The following CCDC183 variants were observed in gnomAD, a reference collection of about 807,000 sequenced individuals.
CCDC183 encodes coiled-coil domain-containing protein 183.
CCDC183 carries 63 observed loss-of-function variants against 65.2 expected under a neutral mutation model. That is an observed-to-expected ratio of 0.97 (90% CI 0.79 to 1.19). The LOEUF (loss-of-function observed/expected upper bound fraction) is 1.19. Ranked by LOEUF, CCDC183 falls within the 50% of genes most tolerant of loss-of-function variation. The probability of loss-of-function intolerance (pLI) is 0.00; values close to 1 mark genes in which losing one functional copy is unlikely to be tolerated. For missense variants in CCDC183, 769 were observed against 689.3 expected, an observed-to-expected ratio of 1.12 and a Z score of -1.30; for synonymous variants, 323 against 276.5, an observed-to-expected ratio of 1.17 and a Z score of -1.67.
At position 136,799,114 on chromosome 9, in the gene CCDC183, CA is replaced by C. The variant is rs1847697395; in HGVS notation, c.84del (p.Leu29SerfsTer6). 5.0e-6 allele frequency: 8 copies of C among 1,613,186 alleles called. No homozygotes were observed. The highest frequency in any genetic ancestry group is 6.8e-6 in the Non-Finnish European group (8 of 1,179,820). ...CACCTGCCCACAGAGCAGTGTCGGG[CA>C]CTCCAGATCCAAGGGGTGAAAGAGA... ...TITQLQEQCR[A>X]LQIQGVKENM... On this transcript the variant is annotated frameshift_variant, in exon 2 of 14. Transcript: ENST00000338005. LOFTEE classifies it high-confidence loss of function.
chr9:136,797,593 C>T (rs1049894866), intron 1 of CCDC183, among the ~76,000 whole-genome samples: 1 of 152,030 alleles, frequency 6.6e-6, no homozygotes, highest in Non-Finnish European at 1.5e-5. Flanking sequence ...CACCCACCAC[C>T]ATGCCCGGCT....
Position 136,796,402 on chromosome 9 carries a change from G to A in CCDC183, c.5G>A (p.Arg2Lys). ...TTGGGGGGCCTGAGAGCAGCCATGA[G>A]GAGGCACAGTGAGACAGATGTGGAA... M[R>K]RHSETDVEEQ... The change falls in exon 1 of 14, where the codon AGG becomes AAG. Residue 2 changes from arginine (R) to lysine (K), a missense_variant. Coordinates refer to ENST00000338005, the MANE Select transcript of CCDC183 (RefSeq NM_001039374.5). 1.9e-6 allele frequency: 3 copies of A among 1,584,032 alleles called. No homozygotes were observed. Among genetic ancestry groups the A allele is most frequent in the Non-Finnish European group, 2.6e-6 (3 of 1,164,972 alleles).
At chr9:136,800,367 C>A in intron 4 of CCDC183, 22 bp from the exon 5 acceptor site, 2 of 1,593,746 alleles carry the variant, frequency 1.3e-6, no homozygotes, top group Non-Finnish European at 1.7e-6. Flanking sequence ...CGCCCTCTCA[C>A]TGCGCCCTCG....
chr9:136,799,490 G>C lies in CCDC183; in HGVS notation c.193-223G>C, dbSNP rs115824302. 4.4e-3 allele frequency: 3,068 copies of C among 691,548 alleles called. 76 individuals carry two copies. In the African/African-American group the frequency reaches 0.049, roughly 11 times the overall value. The allele number at this position is 691,548 out of a possible 1,614,324, so 42.8% of individuals were successfully genotyped here. ...GGGGCCCCCTCTGGCTCTCCGGCCA[G>C]CTAGGGGACACCCAGGCCCTCCTCT... On this transcript the variant is annotated intron_variant, in intron 2 of 13. Coordinates refer to ENST00000338005, the MANE Select transcript of CCDC183 (RefSeq NM_001039374.5).
chr9:136,800,597 C>T (rs531880795), intron 5 of CCDC183, 104 bp downstream of exon 5: 3 of 785,822 alleles, frequency 3.8e-6, no homozygotes, highest in African/African-American at 1.8e-5. Flanking sequence ...GGAGAGGGAG[C>T]TCTGCCTGAC....
chr9:136,806,047 C>T, intron 9 of CCDC183, 31 bp from the exon 10 acceptor site: 1 of 1,540,716 alleles, frequency 6.5e-7, no homozygotes, highest in Non-Finnish European at 8.8e-7. Flanking sequence ...TCCTGGCCCA[C>T]ACCTGCTTCT....
chr9:136,805,673 T>C (rs1045557793), intron 9 of CCDC183: 11 of 570,556 alleles, frequency 1.9e-5, no homozygotes, highest in Middle Eastern at 4.6e-4. Flanking sequence ...TTATTATTAT[T>C]AGGCCTTGAG....
chr9:136,800,541 G>A (rs977781401), intron 5 of CCDC183, 48 bp downstream of exon 5: 2 of 1,398,626 alleles, frequency 1.4e-6, no homozygotes, highest in Non-Finnish European at 2.0e-6. Context: ...CTGGGATCTG[G>A]GAGGGGCGGG....
At chr9:136,802,199 C>A (rs1847746102) in intron 5 of CCDC183, among the ~76,000 whole-genome samples, 1 of 151,636 alleles carries the variant, frequency 6.6e-6, no homozygotes, top group Non-Finnish European at 1.5e-5. Context: ...CTGATGGCAA[C>A]CTTCTGAACG....
rs1249035414 is a variant in CCDC183 at position 136,799,108 on chromosome 9, G to T, written c.77G>T (p.Cys26Phe). 1 of 1,613,248 alleles carries T rather than the reference G, an allele frequency of 6.2e-7. No individual in the cohort carries two copies. Among genetic ancestry groups the T allele is most frequent in the Non-Finnish European group, 8.5e-7 (1 of 1,179,794 alleles). The change falls in exon 2 of 14, where the codon TGT becomes TTT. Residue 26 changes from cysteine (C) to phenylalanine (F), a missense_variant. Transcript: ENST00000338005. ...LKTITQLQEQCRALQIQGVKE... is the reference protein window; with the variant it reads ...LKTITQLQEQFRALQIQGVKE... ...CCCCTCCACCTGCCCACAGAGCAGT[G>T]TCGGGCACTCCAGATCCAAGGGGTG...
chr9:136,807,479 C>G, intron 13 of CCDC183, 93 bp from the exon 14 acceptor site: 1 of 1,438,172 alleles, frequency 7.0e-7, no homozygotes, highest in East Asian at 2.6e-5. Flanking sequence ...AGGCACCTGG[C>G]CCGGGTCGGT....
chr9:136,806,316 G>A, intron 10 of CCDC183, 78 bp downstream of exon 10: 1 of 1,477,854 alleles, frequency 6.8e-7, no homozygotes, highest in Non-Finnish European at 9.2e-7. Context: ...GCTGGGAGCT[G>A]GGAGTATACC....
chr9:136,799,898 G>A, intron 3 of CCDC183, 104 bp from the exon 4 acceptor site: 1 of 1,474,234 alleles, frequency 6.8e-7, no homozygotes, highest in Non-Finnish European at 9.2e-7. Context: ...CCCAGCCCCA[G>A]GTTCCCTGTG....
At position 136,805,364 on chromosome 9, in the gene CCDC183, A is replaced by G; in HGVS notation, c.855A>G (p.Arg285=). Residue 285 remains arginine (R), a synonymous_variant, in exon 9 of 14, where the codon AGA becomes AGG. Coordinates refer to ENST00000338005, the MANE Select transcript of CCDC183 (RefSeq NM_001039374.5). ...TCCCCTCTGCTCTGCCAGTGAGGAG[A>G]AAAGAGACCTCCACAGCAGAAATGG... ...LMSTETLKLR[R]KETSTAEMEY... is the part of the protein sequence containing the mutation. 1 of 1,613,060 alleles carries G rather than the reference A, an allele frequency of 6.2e-7. No homozygotes were observed. Among genetic ancestry groups the G allele is most frequent in the Non-Finnish European group, 8.5e-7 (1 of 1,179,648 alleles).
In CCDC183 at chr9:136,804,594, C is replaced by T. The variant is rs1366750217; in HGVS notation, c.759C>T (p.Ile253=). Residue 253 remains isoleucine, a synonymous_variant, in exon 7 of 14, where the codon ATC becomes ATT. Coordinates refer to ENST00000338005, the MANE Select transcript of CCDC183 (RefSeq NM_001039374.5). The surrounding 1 kb of genome is among the most constrained non-coding windows in gnomAD (Gnocchi z 4.1). Reference sequence around the variant, plus strand: ...AGCAGAAGAAGCTGATCGACAAGATCCACACGAAGGAGACCAGCGAGAAGT... The same window carrying T: ...AGCAGAAGAAGCTGATCGACAAGATTCACACGAAGGAGACCAGCGAGAAGT... ...LNQQKKLIDK[I]HTKETSEKYR... is the part of the protein sequence containing the mutation. The T allele has an allele frequency of 3.1e-6, 5 of 1,613,746 alleles. No individual in the cohort carries two copies. In the South Asian group the frequency reaches 5.5e-5, roughly 18 times the overall value.
At chr9:136,796,542 A>G (rs987867159) in intron 1 of CCDC183, 75 bp downstream of exon 1, 2 of 985,310 alleles carry the variant, frequency 2.0e-6, no homozygotes, top group Admixed American at 2.1e-5. Context: ...TTGTGGGGAA[A>G]AGAGAGATCA....
chr9:136,803,605 G>C (rs1164977774), intron 6 of CCDC183, among the ~76,000 whole-genome samples: 2 of 152,236 alleles, frequency 1.3e-5, no homozygotes, highest in East Asian at 3.8e-4. Context: ...AGTAGTCCAT[G>C]AAGAAATGCC....
intron 10 of CCDC183, 125 bp downstream of exon 10, chr9:136,806,363 A>G: frequency 2.9e-6 from 4 of 1,377,258 alleles, no homozygotes; most frequent in Non-Finnish European, 4.0e-6. Context: ...CAGAGGGGCC[A>G]GGGGACTCCA....
chr9:136,807,725 TAAAC>T lies in CCDC183; in HGVS notation c.*37_*40del. The T allele has an allele frequency of 1.3e-6, 2 of 1,571,784 alleles. No individual in the cohort carries two copies. The highest frequency in any genetic ancestry group is 1.7e-6 in the Non-Finnish European group (2 of 1,158,844). ...CCCGCTCCCTGCTTTGCTACACAAATAAACATTTTTCCAGGACTGCTGCGGACGC... is the reference window on the plus strand; with the variant it reads ...CCCGCTCCCTGCTTTGCTACACAAATATTTTTCCAGGACTGCTGCGGACGC... On this transcript the variant is annotated 3_prime_UTR_variant, in exon 14 of 14. Transcript: ENST00000338005.
Sources: allele counts gnomAD v4.1 joint callset (sites outside exome capture counted in the v4.1 genomes callset), GRCh38; gene constraint gnomAD v4.1.1; non-coding constraint Gnocchi (gnomAD v3.1); transcripts MANE v1.5; gene names NCBI Gene and HGNC (gene_info 2026-07-23, HGNC 2026-07-21).